The following RASGEF1B variants were observed in gnomAD, a reference collection of about 807,000 sequenced individuals.
RASGEF1B encodes the protein RasGEF domain family member 1B.
Under a neutral mutation model 65.7 loss-of-function variants are expected in RASGEF1B, and 30 were observed. The observed-to-expected ratio is 0.46, with a 90% CI of 0.34 to 0.62. The LOEUF (loss-of-function observed/expected upper bound fraction) is 0.62. RASGEF1B is among the 20% of genes least tolerant of loss of function. RASGEF1B has a pLI of 0.01. For synonymous variants in RASGEF1B, 175 were observed against 194.8 expected (o/e 0.90, Z 0.85); for missense variants, 495 against 580.1 (o/e 0.85, Z 1.51).
intron 4 of RASGEF1B, among the ~76,000 whole-genome samples, chr4:81,450,057 G>GTGAT (rs1159543699): frequency 5.3e-5 from 8 of 152,204 alleles, no homozygotes; most frequent in Non-Finnish European, 1.0e-4. Flanking sequence ...CTTCCATACA[G>GTGAT]CACTAAGGTT....
chr4:81,441,284 G>A (rs1013666167), intron 9 of RASGEF1B, among the ~76,000 whole-genome samples: 2 of 152,152 alleles, frequency 1.3e-5, no homozygotes, highest in African/African-American at 4.8e-5. Context: ...GGTTAGCCAT[G>A]CATAGTGATC....
rs1197050841 is a variant in RASGEF1B at position 81,426,551 on chromosome 4, T to C, written c.*1217A>G. The C allele has an allele frequency of 1.3e-5, 2 of 152,236 alleles. No homozygotes were observed. Among genetic ancestry groups the C allele is most frequent in the African/African-American group, 4.8e-5 (2 of 41,458 alleles). The allele number at this position is 152,236 out of a possible 1,614,324, so 9.4% of individuals were successfully genotyped here. A position where few individuals can be genotyped will look rare whatever the true frequency, so the allele number is the denominator to read the frequency against. On this transcript the variant is annotated 3_prime_UTR_variant, in exon 14 of 14. Coordinates refer to ENST00000264400, the MANE Select transcript of RASGEF1B (RefSeq NM_152545.3). ...CATCTGTTTTGAACATGGTATTTTG[T>C]TTTTCTCATTAGCACGAATTACTAC...
At chr4:81,470,554 C>T (rs1184323165) in intron 1 of RASGEF1B, among the ~76,000 whole-genome samples, 1 of 135,480 alleles carries the variant, frequency 7.4e-6, no homozygotes, top group Non-Finnish European at 1.6e-5. Context: ...GCCATTAGAC[C>T]ATCTGAGCTA....
At chr4:81,457,383 T>C in intron 3 of RASGEF1B, 116 bp downstream of exon 3, 1 of 913,718 alleles carries the variant, frequency 1.1e-6, no homozygotes, top group South Asian at 1.6e-5. Flanking sequence ...ATAGCCATGA[T>C]GCCATTTATG....
intron 13 of RASGEF1B, 99 bp from the exon 14 acceptor site, chr4:81,427,891 T>C: frequency 8.1e-7 from 1 of 1,234,848 alleles, no homozygotes; most frequent in Non-Finnish European, 1.1e-6. Flanking sequence ...CTTTCCTGTG[T>C]TTTAAGTTTG....
At position 81,445,530 on chromosome 4, in the gene RASGEF1B, T is replaced by C. The variant is rs781303894; in HGVS notation, c.924A>G (p.Ile308Met). 1 of 1,597,532 alleles carries C rather than the reference T, an allele frequency of 6.3e-7. No homozygotes were observed. The highest frequency in any genetic ancestry group is 2.2e-5 in the East Asian group (1 of 44,770). The stretch of plus-strand genomic sequence containing the variant: ...TATCCTCCACAAAATACTCACAGAT[T>C]ATCGCCATCAAGGAGTTGAAGTTGC... The part of the protein sequence containing the change: ...NIGNFNSLMA[I>M]ISGMNMSPVS... The change falls in exon 8 of 14, where the codon ATA (isoleucine) becomes ATG (methionine). Residue 308 changes from isoleucine (I) to methionine (M), a missense_variant. Coordinates refer to ENST00000264400, the MANE Select transcript of RASGEF1B (RefSeq NM_152545.3).
intron 1 of RASGEF1B, among the ~76,000 whole-genome samples, chr4:81,470,752 T>C (rs1374738571): frequency 6.6e-6 from 1 of 152,198 alleles, no homozygotes; most frequent in East Asian, 1.9e-4. Flanking sequence ...AATCGCCGTC[T>C]AGACAATCTC....
intron 1 of RASGEF1B, among the ~76,000 whole-genome samples, chr4:81,460,120 CT>C (rs1722590279): frequency 6.6e-6 from 1 of 152,162 alleles, no homozygotes; most frequent in Non-Finnish European, 1.5e-5. Flanking sequence ...ATTTTCTCCC[CT>C]TTGTGTTAAA....
At chr4:81,443,496 G>C (rs1721919021) in intron 8 of RASGEF1B, among the ~76,000 whole-genome samples, 1 of 152,146 alleles carries the variant, frequency 6.6e-6, no homozygotes, top group Non-Finnish European at 1.5e-5. Flanking sequence ...GATTCGTTTT[G>C]TCTGTCCTAG....
intron 12 of RASGEF1B, among the ~76,000 whole-genome samples, chr4:81,433,372 G>T (rs1416396764): frequency 6.6e-6 from 1 of 151,920 alleles, no homozygotes; most frequent in African/African-American, 2.4e-5. Flanking sequence ...CACTTCTGAT[G>T]ATTTTTTTCT....
intron 4 of RASGEF1B, among the ~76,000 whole-genome samples, chr4:81,449,000 G>T (rs1340618928): frequency 6.6e-6 from 1 of 152,090 alleles, no homozygotes; most frequent in Non-Finnish European, 1.5e-5. Context: ...TTTTTGTAGA[G>T]ATGGGGTTTC....
Position 81,427,806 on chromosome 4 carries a change from AC to A in RASGEF1B, c.1398-15del. 1 of 1,613,902 alleles carries A rather than the reference AC, an allele frequency of 6.2e-7. No individual in the cohort carries two copies. Among genetic ancestry groups the A allele is most frequent in the Non-Finnish European group, 8.5e-7 (1 of 1,179,902 alleles). ...AAGAGGCTCGACCTGAGTAATAAAA[AC>A]AACACAACCTAAGACAGAATGTAAC... On this transcript the variant is annotated splice_polypyrimidine_tract_variant and intron_variant, in intron 13 of 13. Transcript: ENST00000264400.
intron 1 of RASGEF1B, among the ~76,000 whole-genome samples, chr4:81,465,883 C>G (rs1315500429): frequency 6.6e-6 from 1 of 152,072 alleles, no homozygotes; most frequent in Non-Finnish European, 1.5e-5. Context: ...AGCATTTCCT[C>G]TACACTTGGA....
chr4:81,440,982 T>A, intron 9 of RASGEF1B, 53 bp from the exon 10 acceptor site: 1 of 1,213,930 alleles, frequency 8.2e-7, no homozygotes. Flanking sequence ...TAAACTTCTG[T>A]AGGAAGTTTA....
At chr4:81,458,451 G>C (rs529969204) in intron 2 of RASGEF1B, among the ~76,000 whole-genome samples, 1 of 152,310 alleles carries the variant, frequency 6.6e-6, no homozygotes, top group Admixed American at 6.5e-5. Flanking sequence ...TACACAGAGA[G>C]ATAACTCAGT....
intron 4 of RASGEF1B, chr4:81,453,606 T>C (rs961876307): frequency 1.3e-5 from 2 of 152,158 alleles, no homozygotes; most frequent in Non-Finnish European, 2.9e-5. Flanking sequence ...CAGCTATCAT[T>C]ACTCATCACA....
Position 81,432,310 on chromosome 4 carries a change from C to G in RASGEF1B, c.1386G>C (p.Trp462Cys), listed in dbSNP as rs769200589. ...GPENHIEKDR[W>C]KSLRSSLLGR... ...AGAATGAGACCCACCTTAAAGACTT[C>G]CATCTGTCTTTCTCTATATGATTTT... The change falls in exon 13 of 14, where the codon TGG (tryptophan) becomes TGC (cysteine). Residue 462 changes from tryptophan (W) to cysteine (C), a missense_variant. Physicochemically the swap from Trp to Cys is radical, Grantham distance 215. Transcript: ENST00000264400. 10 of 1,604,136 alleles carry G rather than the reference C, an allele frequency of 6.2e-6. No homozygotes were observed. Among genetic ancestry groups the G allele is most frequent in the Non-Finnish European group, 8.5e-6 (10 of 1,171,516 alleles).
chr4:81,451,080 C>G (rs1722241862), intron 4 of RASGEF1B: 1 of 152,112 alleles, frequency 6.6e-6, no homozygotes, highest in Admixed American at 6.6e-5. Context: ...TCGCTTCTCA[C>G]CCTTTTGGCT....
At position 81,429,113 on chromosome 4, in the gene RASGEF1B, TA is replaced by T. The variant is rs547350873; in HGVS notation, c.1398-1322del. On this transcript the variant is annotated intron_variant, in intron 13 of 13. Coordinates refer to ENST00000264400, the MANE Select transcript of RASGEF1B (RefSeq NM_152545.3). ...TGCCCTCAAGGGGCTTACATAGCAA[TA>T]GAGAAAACCACAAACACTACACAAA... is the stretch of plus-strand genomic sequence containing the variant. Among the ~76,000 whole-genome samples the T allele has an allele frequency of 9.6e-4, 146 of 152,176 alleles. 1 individual carries two copies. The highest frequency in any genetic ancestry group is 3.3e-3 in the African/African-American group (139 of 41,504).
Sources: allele counts gnomAD v4.1 joint callset (sites outside exome capture counted in the v4.1 genomes callset), GRCh38; gene constraint gnomAD v4.1.1; transcripts MANE v1.5; gene names NCBI Gene and HGNC (gene_info 2026-07-23, HGNC 2026-07-21).